The following GRAMD1B variants were observed in gnomAD, a reference collection of about 807,000 sequenced individuals.
GRAMD1B encodes the protein GRAM domain containing 1B.
GRAMD1B carries 37 observed loss-of-function variants against 99.7 expected under a neutral mutation model. The observed-to-expected ratio is 0.37, with a 90% CI of 0.29 to 0.49. The LOEUF (loss-of-function observed/expected upper bound fraction) is 0.49. GRAMD1B is among the 20% of genes least tolerant of loss of function. GRAMD1B has a pLI of 0.98. For synonymous variants in GRAMD1B, 427 were observed against 387.6 expected (o/e 1.10, Z -1.19); for missense variants, 888 against 1,009.2 (o/e 0.88, Z 1.63).
intron 1 of GRAMD1B, among the ~76,000 whole-genome samples, chr11:123,454,045 C>T (rs17127377): frequency 0.052 from 7,890 of 152,334 alleles, 230 homozygotes; most frequent in Middle Eastern, 0.071. Flanking sequence ...TTCCCAGCAG[C>T]TGAGTGTGAC....
In GRAMD1B at chr11:123,510,197, C is replaced by T. The variant is rs553322848; in HGVS notation, c.452+29304C>T. On this transcript the variant is annotated intron_variant, in intron 2 of 19. Coordinates refer to ENST00000635736, the MANE Select transcript of GRAMD1B (RefSeq NM_001387025.1). The surrounding 1 kb of genome is among the most constrained non-coding windows in gnomAD (Gnocchi z 4.3). The stretch of plus-strand genomic sequence containing the variant: ...GGTTCTCACACCCGCCTGCCCGCCA[C>T]CAGCTGCTGACCTTCTCCCTTCCTG... Among the ~76,000 whole-genome samples, 1 of 152,198 alleles carries T rather than the reference C, an allele frequency of 6.6e-6. No individual in the cohort carries two copies. Among genetic ancestry groups the T allele is most frequent in the Non-Finnish European group, 1.5e-5 (1 of 68,032 alleles).
At chr11:123,621,992 T>C (rs1955196390) in intron 19 of GRAMD1B, among the ~76,000 whole-genome samples, 2 of 61,874 alleles carry the variant, frequency 3.2e-5, no homozygotes, top group East Asian at 1.2e-3. Context: ...TTTTCTTTTC[T>C]TTCTCTCTCC....
intron 2 of GRAMD1B, among the ~76,000 whole-genome samples, chr11:123,494,374 A>G (rs114262100): frequency 1.1e-3 from 162 of 150,004 alleles, no homozygotes; most frequent in African/African-American, 3.9e-3. Flanking sequence ...ACCTGCACAT[A>G]TGCTTAGGGG....
chr11:123,431,511 G>A (rs1223833656), intron 1 of GRAMD1B, among the ~76,000 whole-genome samples: 4 of 152,204 alleles, frequency 2.6e-5, no homozygotes, highest in Admixed American at 2.6e-4. Flanking sequence ...ACTATGTTGC[G>A]CACTTCATGT....
At chr11:123,534,517 G>A (rs1473127967) in intron 2 of GRAMD1B, among the ~76,000 whole-genome samples, 1 of 152,106 alleles carries the variant, frequency 6.6e-6, no homozygotes, top group Non-Finnish European at 1.5e-5. Flanking sequence ...GCTGAATGAA[G>A]GAGATGGGAT....
intron 1 of GRAMD1B, among the ~76,000 whole-genome samples, chr11:123,377,725 T>C (rs982799118): frequency 6.6e-6 from 1 of 152,192 alleles, no homozygotes; most frequent in African/African-American, 2.4e-5. Flanking sequence ...GAAGATAATA[T>C]ACACTTAGAA....
chr11:123,422,453 G>A (rs545740357), intron 1 of GRAMD1B, among the ~76,000 whole-genome samples: 8 of 152,216 alleles, frequency 5.3e-5, no homozygotes, highest in Admixed American at 3.3e-4. Context: ...CAGCCTAGTC[G>A]TCTTCAGCTT....
At chr11:123,555,797 G>A (rs561488178) in intron 2 of GRAMD1B, among the ~76,000 whole-genome samples, 5 of 151,940 alleles carry the variant, frequency 3.3e-5, no homozygotes, top group Non-Finnish European at 4.4e-5. Flanking sequence ...ACAATGGCAC[G>A]ATCTCGGCTC....
chr11:123,545,219 G>A lies in GRAMD1B; in HGVS notation c.453-32148G>A, dbSNP rs182662826. Among the ~76,000 whole-genome samples the A allele has an allele frequency of 5.2e-3, 792 of 152,348 alleles. 11 individuals are homozygous for A. Among genetic ancestry groups the A allele is most frequent in the African/African-American group, 0.018 (767 of 41,572 alleles). On this transcript the variant is annotated intron_variant, in intron 2 of 19. Transcript: ENST00000635736. ...AGTTTCTGTGCCCCAAGTGGGTGGG[G>A]TGAAGTGGGAGGACTGCAGGCACCC...
intron 7 of GRAMD1B, chr11:123,598,648 C>T: frequency 7.9e-7 from 1 of 1,268,744 alleles, no homozygotes; most frequent in African/African-American, 1.5e-5. Context: ...AGTCCTAAAG[C>T]TAAGAGAGCG....
chr11:123,550,580 G>A (rs1945513103), intron 2 of GRAMD1B, among the ~76,000 whole-genome samples: 1 of 152,232 alleles, frequency 6.6e-6, no homozygotes, highest in African/African-American at 2.4e-5. Flanking sequence ...GGAAGGTGGA[G>A]GGGATGTTCA....
At chr11:123,358,965 C>G (rs1049062535) in intron 1 of GRAMD1B, among the ~76,000 whole-genome samples, 1 of 152,072 alleles carries the variant, frequency 6.6e-6, no homozygotes, top group Admixed American at 6.5e-5. Flanking sequence ...ACCTGAGGGC[C>G]AGGTAAAGCT....
chr11:123,593,176 G>A (rs1332962482), intron 4 of GRAMD1B, among the ~76,000 whole-genome samples: 1 of 150,694 alleles, frequency 6.6e-6, no homozygotes, highest in Non-Finnish European at 1.5e-5. Context: ...AGGTTGCAGT[G>A]AGCCGAGATC....
chr11:123,505,658 C>T (rs1940348390), intron 2 of GRAMD1B, among the ~76,000 whole-genome samples: 1 of 152,106 alleles, frequency 6.6e-6, no homozygotes, highest in Non-Finnish European at 1.5e-5. Context: ...GTAACTTGCT[C>T]AAGATTCACA....
chr11:123,481,119 A>G (rs1232945799), intron 2 of GRAMD1B, among the ~76,000 whole-genome samples: 1 of 152,206 alleles, frequency 6.6e-6, no homozygotes, highest in East Asian at 1.9e-4. Flanking sequence ...TTTTGTGTTC[A>G]GCAAAAGAAG....
chr11:123,430,974 C>A lies in GRAMD1B; in HGVS notation c.182C>A (p.Ala61Asp), dbSNP rs1948854746. The change falls in exon 1 of 20, where the codon GCC (alanine) becomes GAC (aspartate). Residue 61 changes from alanine to aspartate, a missense_variant. Ala to Asp is a moderately radical substitution (Grantham distance 126, BLOSUM62 -2). Around this residue, in one of 5 missense-constraint regions of GRAMD1B, gnomAD observed 233 missense variants for 154.6 expected, o/e 1.51. Coordinates refer to ENST00000635736, the MANE Select transcript of GRAMD1B (RefSeq NM_001387025.1). ...VQEQSLEAGL[A>D]RDLPAVLAPG... ...GAGCAGAGCCTGGAGGCCGGGCTGG[C>A]CCGGGACCTGCCCGCCGTCTTGGCC... 1 of 702,844 alleles carries A rather than the reference C, an allele frequency of 1.4e-6. No homozygotes were observed. Among genetic ancestry groups the A allele is most frequent in the Non-Finnish European group, 2.6e-6 (1 of 384,880 alleles). 43.5% of individuals were successfully genotyped at this position (702,844 alleles called of 1,614,324 possible). A position where few individuals can be genotyped will look rare whatever the true frequency, so the allele number is the denominator to read the frequency against.
intron 4 of GRAMD1B, among the ~76,000 whole-genome samples, chr11:123,585,900 T>C (rs1950022624): frequency 6.6e-6 from 1 of 152,224 alleles, no homozygotes; most frequent in Non-Finnish European, 1.5e-5. Flanking sequence ...GCTCAGACTT[T>C]TGTTTTGTCT....
chr11:123,489,580 C>A (rs1012759229), intron 2 of GRAMD1B, among the ~76,000 whole-genome samples: 1 of 152,124 alleles, frequency 6.6e-6, no homozygotes, highest in Non-Finnish European at 1.5e-5. Context: ...AAAAAGAATC[C>A]TCTGCAGTGG....
At chr11:123,424,868 T>A (rs950971366) in intron 1 of GRAMD1B, among the ~76,000 whole-genome samples, 2 of 152,224 alleles carry the variant, frequency 1.3e-5, no homozygotes, top group African/African-American at 4.8e-5. Context: ...CCCAAGGACT[T>A]CCTGAACAAG....
Sources: allele counts gnomAD v4.1 joint callset (sites outside exome capture counted in the v4.1 genomes callset), GRCh38; gene constraint gnomAD v4.1.1; regional missense constraint gnomAD v4.1.1; non-coding constraint Gnocchi (gnomAD v3.1); transcripts MANE v1.5; gene names NCBI Gene and HGNC (gene_info 2026-07-23, HGNC 2026-07-21).